Variants in GAMT observed in about 807,000 individuals in gnomAD.
GAMT encodes the protein epididymis secretory protein Li 20.
In GAMT, 26 loss-of-function variants were observed where a neutral mutation model predicts 26.9. The observed-to-expected ratio is 0.97, with a 90% CI of 0.71 to 1.34. The LOEUF is 1.34. GAMT is among the 40% of genes most tolerant of loss of function. GAMT has a pLI of 0.00. For missense variants in GAMT, 412 were observed against 345.0 expected, an observed-to-expected ratio of 1.19 and a Z score of -1.54; for synonymous variants, 169 against 149.6, an observed-to-expected ratio of 1.13 and a Z score of -0.95.
rs149101269 is a variant in GAMT, at chr19:1,400,486, G to A, written c.182-548C>T. On this transcript the variant is annotated intron_variant, in intron 1 of 5. Transcript: ENST00000252288. ...CCAGCCAGGGAGGCCGAAGACGGCCGCTTTTGGGGCCAGGCCTGTGGGGAG... is the reference window on the plus strand; with the variant it reads ...CCAGCCAGGGAGGCCGAAGACGGCCACTTTTGGGGCCAGGCCTGTGGGGAG... Among the ~76,000 whole-genome samples the A allele has an allele frequency of 3.2e-3, 487 of 152,304 alleles. 3 individuals are homozygous for A. Among genetic ancestry groups the A allele is most frequent in the Non-Finnish European group, 5.1e-3 (346 of 68,004 alleles).
At chr19:1,398,073 G>A (rs2082610818) in intron 5 of GAMT, 3 of 997,014 alleles carry the variant, frequency 3.0e-6, no homozygotes, top group Non-Finnish European at 3.6e-6. Flanking sequence ...TTGTTGAGCT[G>A]GTGAGGGACT....
Position 1,399,643 on chromosome 19 carries a change from C to T in GAMT, c.328-56G>A, listed in dbSNP as rs2082621678. The T allele has an allele frequency of 3.2e-6, 5 of 1,568,700 alleles. No homozygotes were observed. In the Middle Eastern group the frequency reaches 5.0e-4, roughly 157 times the overall value. ...AGGGTAGAGAGGTCCCCAGGATCTCCCCACCTGCAGAAAGGGAGCGGCCAG... is the reference window on the plus strand; with the variant it reads ...AGGGTAGAGAGGTCCCCAGGATCTCTCCACCTGCAGAAAGGGAGCGGCCAG... On this transcript the variant is annotated intron_variant, in intron 2 of 5. Transcript: ENST00000252288. The surrounding 1 kb of genome is among the most constrained non-coding windows in gnomAD (Gnocchi z 6.2).
In GAMT at chr19:1,397,290, C is replaced by G. The variant is rs577136428; in HGVS notation, c.*69G>C. 4.6e-6 allele frequency: 7 copies of G among 1,525,632 alleles called. No homozygotes were observed. Among genetic ancestry groups the G allele is most frequent in the Non-Finnish European group, 6.2e-6 (7 of 1,130,554 alleles). The allele number at this position is 1,525,632 out of a possible 1,614,324, so 94.5% of individuals were successfully genotyped here. On this transcript the variant is annotated 3_prime_UTR_variant, in exon 6 of 6. Coordinates refer to ENST00000252288, the MANE Select transcript of GAMT (RefSeq NM_000156.6). Reference sequence around the variant, plus strand: ...AGCTGGGATCAGCCCAGGGCTGGTGCGACACCCTGGACTCCCGGCCAGGAA... The same window carrying G: ...AGCTGGGATCAGCCCAGGGCTGGTGGGACACCCTGGACTCCCGGCCAGGAA...
chr19:1,401,328 A>G lies in GAMT; in HGVS notation c.149T>C (p.Met50Thr). The change falls in exon 1 of 6, where the codon ATG (methionine) becomes ACG (threonine). Residue 50 changes from methionine (M) to threonine (T), a missense_variant. Met to Thr is a moderately conservative substitution (Grantham distance 81). Transcript: ENST00000252288. The part of the protein sequence containing the change: ...PVMERWETPY[M>T]HALAAAASSK... ...GGAGGCGGCGGCGGCCAGCGCGTGC[A>G]TATAGGGGGTCTCCCAGCGCTCCAT... The G allele has an allele frequency of 2.0e-6, 3 of 1,530,412 alleles. No homozygotes were observed. Among genetic ancestry groups the G allele is most frequent in the Non-Finnish European group, 2.6e-6 (3 of 1,146,464 alleles). The allele number at this position is 1,530,412 out of a possible 1,614,324, so 94.8% of individuals were successfully genotyped here.
chr19:1,401,155 C>G, intron 1 of GAMT, 141 bp downstream of exon 1: 2 of 722,762 alleles, frequency 2.8e-6, no homozygotes, highest in Non-Finnish European at 4.0e-6. Flanking sequence ...TCCGTGTGCC[C>G]CCACCTGCAG....
At position 1,397,264 on chromosome 19, in the gene GAMT, C is replaced by G. The variant is rs2082605082; in HGVS notation, c.*95G>C. 1.4e-6 allele frequency: 2 copies of G among 1,432,810 alleles called. No homozygotes were observed. Among genetic ancestry groups the G allele is most frequent in the African/African-American group, 2.8e-5 (2 of 71,040 alleles). 88.8% of individuals were successfully genotyped at this position (1,432,810 alleles called of 1,614,324 possible). The stretch of plus-strand genomic sequence containing the variant: ...AGCCGGGAAAGCTTCTGGTGACACA[C>G]AGCTGGGATCAGCCCAGGGCTGGTG... On this transcript the variant is annotated 3_prime_UTR_variant, in exon 6 of 6. Coordinates refer to ENST00000252288, the MANE Select transcript of GAMT (RefSeq NM_000156.6).
intron 5 of GAMT, chr19:1,397,896 A>G (rs1462649084): frequency 7.9e-6 from 9 of 1,143,324 alleles, no homozygotes; most frequent in Non-Finnish European, 8.7e-6. Context: ...ACAGCAGCCC[A>G]GGGCAACCAC....
In GAMT at chr19:1,399,823, G is replaced by T; in HGVS notation, c.297C>A (p.Leu99=). 1.3e-6 allele frequency: 2 copies of T among 1,581,300 alleles called. No homozygotes were observed. Among genetic ancestry groups the T allele is most frequent in the Non-Finnish European group, 8.6e-7 (1 of 1,164,348 alleles). ...IECNDGVFQR[L]RDWAPRQTHK... ...GTGTCTGCCGTGGGGCCCAGTCCCG[G>T]AGCCGCTGGAAGACGCCGTCATTGC... The change falls in exon 2 of 6, where the codon CTC becomes CTA. Residue 99 remains leucine, a synonymous_variant. Coordinates refer to ENST00000252288, the MANE Select transcript of GAMT (RefSeq NM_000156.6). The surrounding 1 kb of genome is among the most constrained non-coding windows in gnomAD (Gnocchi z 6.2).
rs527268568 is a variant in GAMT, at chr19:1,398,707, G to A, written c.570+209C>T. ...AATCTGCCCACCTCGGCCTTCCACA[G>A]TGCTGGGATTATAGACCTGAGCCAC... On this transcript the variant is annotated intron_variant, in intron 5 of 5. Transcript: ENST00000252288. The A allele has an allele frequency of 1.8e-5, 28 of 1,533,762 alleles. No individual in the cohort carries two copies. Among genetic ancestry groups the A allele is most frequent in the East Asian group, 9.8e-5 (4 of 40,876 alleles).
chr19:1,398,867 A>C (rs866093144), intron 5 of GAMT, 49 bp downstream of exon 5: 3 of 1,607,756 alleles, frequency 1.9e-6, no homozygotes, highest in Non-Finnish European at 2.5e-6. Context: ...TCCCACCCCC[A>C]TCCAAGGTCA....
intron 5 of GAMT, 145 bp downstream of exon 5, chr19:1,398,771 T>C: frequency 6.4e-7 from 1 of 1,550,424 alleles, no homozygotes; most frequent in Non-Finnish European, 8.7e-7. Context: ...AGGACTTTGA[T>C]TTCTAAATGA....
At chr19:1,398,850 A>G in intron 5 of GAMT, 66 bp downstream of exon 5, 2 of 1,596,618 alleles carry the variant, frequency 1.3e-6, no homozygotes, top group Non-Finnish European at 1.7e-6. Flanking sequence ...TGGCTCCAGC[A>G]GCCCCTTCCC....
At chr19:1,400,466 C>T (rs537119189) in intron 1 of GAMT, among the ~76,000 whole-genome samples, 1 of 152,284 alleles carries the variant, frequency 6.6e-6, no homozygotes, top group African/African-American at 2.4e-5. Context: ...GATGACCAGC[C>T]AGGGAGGCCG....
Position 1,399,200 on chromosome 19 carries a change from A to C in GAMT, c.392-5T>G. 1.2e-6 allele frequency: 2 copies of C among 1,613,320 alleles called. No individual in the cohort carries two copies. The highest frequency in any genetic ancestry group is 1.7e-6 in the Non-Finnish European group (2 of 1,179,954). On this transcript the variant is annotated splice_polypyrimidine_tract_variant and splice_region_variant and intron_variant, in intron 3 of 5. Coordinates refer to ENST00000252288, the MANE Select transcript of GAMT (RefSeq NM_000156.6). The surrounding 1 kb of genome is among the most constrained non-coding windows in gnomAD (Gnocchi z 6.2). ...GGTACGTGTCGTACAGGATCCCTGC[A>C]CGGAGAACAGAAGCCCACGCGGTCA...
In GAMT at chr19:1,397,491, C is replaced by T. The variant is rs1215212718; in HGVS notation, c.579G>A (p.Gln193=). 2.5e-6 allele frequency: 4 copies of T among 1,604,180 alleles called. No individual in the cohort carries two copies. The highest frequency in any genetic ancestry group is 1.3e-5 in the African/African-American group (1 of 75,056). Residue 193 remains glutamine, a synonymous_variant, in exon 6 of 6, where the codon CAG becomes CAA. Transcript: ENST00000252288. ...SDITIMFEET[Q]VPALLEAGFR... ...AGCCGGCCTCCAGCAGCGCGGGCAC[C>T]TGCGTCTCCTGGTCGGGGATGGCAC...
chr19:1,399,180 G>C lies in GAMT; in HGVS notation c.407C>G (p.Thr136Arg), dbSNP rs374724533. 6.2e-7 allele frequency: 1 copy of C among 1,613,652 alleles called. No homozygotes were observed. The highest frequency in any genetic ancestry group is 8.5e-7 in the Non-Finnish European group (1 of 1,180,014). ...DGHFDGILYD[T>R]YPLSEETWHT... ...CCAGGTCTCCTCCGAGAGTGGGTACGTGTCGTACAGGATCCCTGCACGGAG... is the reference window on the plus strand; with the variant it reads ...CCAGGTCTCCTCCGAGAGTGGGTACCTGTCGTACAGGATCCCTGCACGGAG... The change falls in exon 4 of 6, where the codon ACG (threonine) becomes AGG (arginine). Residue 136 changes from threonine (T) to arginine (R), a missense_variant. Coordinates refer to ENST00000252288, the MANE Select transcript of GAMT (RefSeq NM_000156.6). The surrounding 1 kb of genome is among the most constrained non-coding windows in gnomAD (Gnocchi z 6.2).
chr19:1,400,571 G>A (rs1399622991), intron 1 of GAMT, among the ~76,000 whole-genome samples: 2 of 152,168 alleles, frequency 1.3e-5, no homozygotes, highest in Non-Finnish European at 2.9e-5. Flanking sequence ...CTTATCTCTC[G>A]GGTTAGTTAC....
At chr19:1,398,444 C>G (rs2082613266) in intron 5 of GAMT, 2 of 374,652 alleles carry the variant, frequency 5.3e-6, no homozygotes, top group Non-Finnish European at 9.4e-6. Flanking sequence ...TTCTTTCTTT[C>G]TTTTTTCTTG....
rs552210450 is a variant in GAMT, at chr19:1,399,822, G to A, written c.298C>T (p.Arg100Trp). The change falls in exon 2 of 6, where the codon CGG becomes TGG. Residue 100 changes from arginine to tryptophan, a missense_variant. By Grantham distance (101) the Arg-to-Trp change is moderately radical. Coordinates refer to ENST00000252288, the MANE Select transcript of GAMT (RefSeq NM_000156.6). The surrounding 1 kb of genome is among the most constrained non-coding windows in gnomAD (Gnocchi z 6.2). ...ECNDGVFQRL[R>W]DWAPRQTHKV... ...TGTGTCTGCCGTGGGGCCCAGTCCCGGAGCCGCTGGAAGACGCCGTCATTG... is the reference window on the plus strand; with the variant it reads ...TGTGTCTGCCGTGGGGCCCAGTCCCAGAGCCGCTGGAAGACGCCGTCATTG... The A allele has an allele frequency of 1.9e-4, 296 of 1,580,118 alleles. 2 individuals carry two copies. The South Asian group carries it at 3.1e-3, about 16-fold the overall frequency.
Sources: allele counts gnomAD v4.1 joint callset (sites outside exome capture counted in the v4.1 genomes callset), GRCh38; gene constraint gnomAD v4.1.1; non-coding constraint Gnocchi (gnomAD v3.1); transcripts MANE v1.5; gene names NCBI Gene and HGNC (gene_info 2026-07-23, HGNC 2026-07-21).